Variants in SHISA9 observed in about 807,000 individuals in gnomAD.
SHISA9 encodes shisa family member 9, also known as protein shisa-9.
A neutral mutation model predicts 38.0 loss-of-function variants in SHISA9; 13 were observed. The ratio of observed to expected loss-of-function variants is 0.34; its 90% CI spans 0.22 to 0.54. The LOEUF is 0.54. Among genes scored for constraint, SHISA9 ranks in the 20% least tolerant of loss-of-function variants. The pLI is 0.91. For missense variants in SHISA9, 538 were observed against 575.8 expected (o/e 0.93, Z 0.67); for synonymous variants, 275 against 242.0 (o/e 1.14, Z -1.27).
chr16:13,313,315 T>G, the SHISA9 span, among the ~76,000 whole-genome samples: 1 of 151,442 alleles, frequency 6.6e-6, no homozygotes, highest in Non-Finnish European at 1.5e-5. Flanking sequence ...GATATGTTAT[T>G]TATAGTATAA....
chr16:13,013,816 G>A (rs148589558), intron 2 of SHISA9, among the ~76,000 whole-genome samples: 4 of 151,842 alleles, frequency 2.6e-5, no homozygotes, highest in South Asian at 2.1e-4. Context: ...CAAGCTCCGC[G>A]TCCCGGGTTC....
At chr16:12,958,504 G>A (rs2071865828) in intron 2 of SHISA9, among the ~76,000 whole-genome samples, 1 of 152,202 alleles carries the variant, frequency 6.6e-6, no homozygotes, top group African/African-American at 2.4e-5. Context: ...TTCAGAGTGG[G>A]TATGTGCTGG....
chr16:13,455,379 C>T, the SHISA9 span, among the ~76,000 whole-genome samples: 1 of 152,298 alleles, frequency 6.6e-6, no homozygotes, highest in Admixed American at 6.5e-5. Context: ...CCTCCACTCC[C>T]AATTATATTG....
chr16:12,932,235 T>C (rs2071471169), intron 2 of SHISA9, among the ~76,000 whole-genome samples: 1 of 152,226 alleles, frequency 6.6e-6, no homozygotes, highest in African/African-American at 2.4e-5. Flanking sequence ...CTAATACAAG[T>C]AATAACACTC....
intron 2 of SHISA9, among the ~76,000 whole-genome samples, chr16:13,048,204 T>A (rs1006851164): frequency 6.6e-6 from 1 of 152,256 alleles, no homozygotes; most frequent in African/African-American, 2.4e-5. Context: ...ACTCCTGTTT[T>A]GATAAATGGC....
At position 13,019,968 on chromosome 16, in the gene SHISA9, T is replaced by TTCCTTCCTTCC. The variant is rs2072829600; in HGVS notation, c.691+103154_691+103155insCCTTCCTTCCT. Among the ~76,000 whole-genome samples, 54 of 43,228 alleles carry TTCCTTCCTTCC rather than the reference T, an allele frequency of 1.2e-3. 1 individual carries two copies. Among genetic ancestry groups the TTCCTTCCTTCC allele is most frequent in the African/African-American group, 3.2e-3 (36 of 11,278 alleles). 28.4% of individuals were successfully genotyped at this position (43,228 alleles called of 152,430 possible). On this transcript the variant is annotated intron_variant, in intron 2 of 4. Transcript: ENST00000558583. ...CTTTCTTTCTTTCTTTCCCTCCTTC[T>TTCCTTCCTTCC]TTCCTTCCTTCCTTCCTTCCTTCCT...
the SHISA9 span, among the ~76,000 whole-genome samples, chr16:13,481,617 C>G: frequency 6.6e-6 from 1 of 152,194 alleles, no homozygotes; most frequent in Non-Finnish European, 1.5e-5. Context: ...AGTCTTATGT[C>G]TACCACTGTG....
chr16:13,365,967 C>A, the SHISA9 span, among the ~76,000 whole-genome samples: 4 of 145,300 alleles, frequency 2.8e-5, no homozygotes, highest in African/African-American at 9.8e-5. Context: ...CCTAAGGAAA[C>A]TTCATCTCAT....
At chr16:13,016,482 G>C (rs2141859035) in intron 2 of SHISA9, among the ~76,000 whole-genome samples, 1 of 152,308 alleles carries the variant, frequency 6.6e-6, no homozygotes, top group East Asian at 1.9e-4. Flanking sequence ...TTGTGTAATG[G>C]GCAGTGGTGA....
intron 2 of SHISA9, among the ~76,000 whole-genome samples, chr16:13,122,126 A>G (rs970048018): frequency 9.2e-5 from 14 of 152,140 alleles, no homozygotes; most frequent in African/African-American, 3.1e-4. Flanking sequence ...TGCCTTGCCC[A>G]TAGTAGGGGC....
chr16:13,307,870 T>C, the SHISA9 span, among the ~76,000 whole-genome samples: 4 of 152,308 alleles, frequency 2.6e-5, no homozygotes, highest in African/African-American at 7.2e-5. Flanking sequence ...AAAATTTAGA[T>C]GTGTTCATTT....
At chr16:13,038,882 T>A (rs1405828837) in intron 2 of SHISA9, among the ~76,000 whole-genome samples, 1 of 152,218 alleles carries the variant, frequency 6.6e-6, no homozygotes, top group Non-Finnish European at 1.5e-5. Flanking sequence ...TACCTGTCTC[T>A]GTTTCTTTAT....
the SHISA9 span, among the ~76,000 whole-genome samples, chr16:13,273,530 C>T: frequency 6.6e-6 from 1 of 152,180 alleles, no homozygotes; most frequent in Admixed American, 6.6e-5. Context: ...TGACTTGCTC[C>T]TCCTTGCCTT....
At chr16:13,352,931 G>A in the SHISA9 span, among the ~76,000 whole-genome samples, 3 of 152,112 alleles carry the variant, frequency 2.0e-5, no homozygotes, top group African/African-American at 4.8e-5. Context: ...GTTAAGGTGG[G>A]GCAGGGCATA....
At chr16:13,054,915 A>G (rs1432816746) in intron 2 of SHISA9, among the ~76,000 whole-genome samples, 1 of 151,968 alleles carries the variant, frequency 6.6e-6, no homozygotes, top group Non-Finnish European at 1.5e-5. Context: ...TTCTAGTCTA[A>G]CCCTAGTTTG....
intron 2 of SHISA9, among the ~76,000 whole-genome samples, chr16:12,973,920 C>G (rs527833662): frequency 1.3e-5 from 2 of 152,282 alleles, no homozygotes; most frequent in Admixed American, 6.5e-5. Context: ...TTCAAGCACC[C>G]TTCTGGATTT....
At chr16:12,923,926 C>A (rs1393986164) in intron 2 of SHISA9, among the ~76,000 whole-genome samples, 1 of 152,144 alleles carries the variant, frequency 6.6e-6, no homozygotes, top group Non-Finnish European at 1.5e-5. Context: ...CTGTCCGACT[C>A]CACAGCTTGC....
the SHISA9 span, among the ~76,000 whole-genome samples, chr16:13,413,023 A>T: frequency 1.3e-5 from 2 of 152,222 alleles, no homozygotes. Context: ...GTATAACAGA[A>T]TTACACAAAG....
At chr16:13,371,065 A>T in the SHISA9 span, among the ~76,000 whole-genome samples, 1 of 152,322 alleles carries the variant, frequency 6.6e-6, no homozygotes, top group East Asian at 1.9e-4. Flanking sequence ...CCACTAAGTG[A>T]ATTAACACCA....
Sources: allele counts gnomAD v4.1 joint callset (sites outside exome capture counted in the v4.1 genomes callset), GRCh38; gene constraint gnomAD v4.1.1; transcripts MANE v1.5; gene names NCBI Gene and HGNC (gene_info 2026-07-23, HGNC 2026-07-21).